Variants in TRDN observed in about 807,000 individuals in gnomAD.
TRDN encodes the protein triadin in skeletal muscle.
Under a neutral mutation model 149.7 loss-of-function variants are expected in TRDN, and 161 were observed. The observed-to-expected ratio is 1.08, with a 90% CI of 0.95 to 1.23. The LOEUF is 1.23. Ranked by LOEUF, TRDN falls within the 50% of genes most tolerant of loss-of-function variation. The pLI, the probability that TRDN is intolerant of heterozygous loss-of-function variation, is 0.00. For missense variants in TRDN, 896 were observed against 823.5 expected, an observed-to-expected ratio of 1.09 and a Z score of -1.08; for synonymous variants, 294 against 250.5, an observed-to-expected ratio of 1.17 and a Z score of -1.64.
chr6:123,585,295 T>TA (rs1487261624), intron 1 of TRDN, among the ~76,000 whole-genome samples: 27 of 151,766 alleles, frequency 1.8e-4, no homozygotes, highest in African/African-American at 4.8e-4. Context: ...TGGGGATAAT[T>TA]AAAAGGAGTG....
At chr6:123,269,437 C>A (rs1777128238) in intron 31 of TRDN, among the ~76,000 whole-genome samples, 1 of 151,946 alleles carries the variant, frequency 6.6e-6, no homozygotes, top group Non-Finnish European at 1.5e-5. Flanking sequence ...TATATCATTT[C>A]ATTTTCTGTT....
chr6:123,635,323 A>AACAC (rs141018949), intron 1 of TRDN, among the ~76,000 whole-genome samples: 4,596 of 147,210 alleles, frequency 0.031, 98 homozygotes, highest in South Asian at 0.055. Context: ...CAGAAAAGAA[A>AACAC]ACACACACAC....
chr6:123,474,248 A>G (rs1021596705), intron 9 of TRDN, among the ~76,000 whole-genome samples: 38 of 152,270 alleles, frequency 2.5e-4, no homozygotes, highest in African/African-American at 7.9e-4. Flanking sequence ...ATGGAGGAAG[A>G]TCTACCAAGC....
At chr6:123,502,052 C>T (rs1778723758) in intron 8 of TRDN, 1 of 983,700 alleles carries the variant, frequency 1.0e-6, no homozygotes, top group Non-Finnish European at 1.2e-6. Context: ...ATATAACTGG[C>T]ATCAATTTTT....
At chr6:123,332,016 CA>C in intron 22 of TRDN, 87 bp from the exon 23 acceptor site, 1 of 1,024,858 alleles carries the variant, frequency 9.8e-7, no homozygotes, top group South Asian at 1.8e-5. Context: ...CTGAAAGTAT[CA>C]GTAAGCTGAA....
chr6:123,340,087 C>A (rs1780011188), intron 21 of TRDN, among the ~76,000 whole-genome samples: 1 of 152,062 alleles, frequency 6.6e-6, no homozygotes, highest in South Asian at 2.1e-4. Flanking sequence ...AGAGCTTTTA[C>A]TTTTAATTGT....
intron 30 of TRDN, among the ~76,000 whole-genome samples, 177 bp from the exon 31 acceptor site, chr6:123,270,043 C>CA (rs1227187086): frequency 2.0e-5 from 3 of 151,904 alleles, no homozygotes; most frequent in Non-Finnish European, 4.4e-5. Context: ...AATCAAACTG[C>CA]AAAAAACTAG....
intron 21 of TRDN, chr6:123,349,679 C>G (rs1780383588): frequency 1.0e-6 from 1 of 962,170 alleles, no homozygotes. Context: ...GAAATATGAA[C>G]ATTCATTATA....
intron 2 of TRDN, among the ~76,000 whole-genome samples, chr6:123,550,644 GT>G (rs1197945206): frequency 1.3e-5 from 2 of 152,002 alleles, no homozygotes; most frequent in Non-Finnish European, 2.9e-5. Context: ...ATATCCCATG[GT>G]TTATACTGAT....
rs563883969 is a variant in TRDN, at chr6:123,598,727, T to C, written c.23-27595A>G. Among the ~76,000 whole-genome samples, 8 of 152,112 alleles carry C rather than the reference T, an allele frequency of 5.3e-5. No individual in the cohort carries two copies. The South Asian group carries it at 1.5e-3, about 28-fold the overall frequency. On this transcript the variant is annotated intron_variant, in intron 1 of 40. Coordinates refer to ENST00000334268, the MANE Select transcript of TRDN (RefSeq NM_006073.4). ...GTGGCAGAGTTGAGCAAGAGTGATA[T>C]AGACCATACAGCCCACAAAACCTAA...
At chr6:123,559,467 C>A (rs1371796634) in intron 2 of TRDN, among the ~76,000 whole-genome samples, 1 of 152,070 alleles carries the variant, frequency 6.6e-6, no homozygotes, top group East Asian at 1.9e-4. Flanking sequence ...GCCCTTCTTC[C>A]CAATCCAAAG....
intron 2 of TRDN, among the ~76,000 whole-genome samples, chr6:123,567,013 T>C (rs1162949374): frequency 6.6e-6 from 1 of 152,218 alleles, no homozygotes; most frequent in Non-Finnish European, 1.5e-5. Context: ...ATACTTATAG[T>C]TCACAGTAGA....
chr6:123,469,371 G>A (rs1264413581), intron 9 of TRDN, among the ~76,000 whole-genome samples: 2 of 152,100 alleles, frequency 1.3e-5, no homozygotes, highest in East Asian at 1.9e-4. Context: ...GGAGACCCTA[G>A]AGATATGGGG....
chr6:123,483,983 TA>T (rs1777879043), intron 9 of TRDN, among the ~76,000 whole-genome samples: 1 of 152,168 alleles, frequency 6.6e-6, no homozygotes, highest in African/African-American at 2.4e-5. Context: ...TAAGCTAGAA[TA>T]AAAGTCATAG....
intron 23 of TRDN, among the ~76,000 whole-genome samples, chr6:123,323,904 T>A (rs1779348749): frequency 6.6e-6 from 1 of 152,132 alleles, no homozygotes; most frequent in Non-Finnish European, 1.5e-5. Flanking sequence ...GTGTGAAGAG[T>A]GTGCATTTAA....
chr6:123,237,494 C>T (rs1043732826), intron 38 of TRDN, among the ~76,000 whole-genome samples: 5 of 152,104 alleles, frequency 3.3e-5, no homozygotes, highest in Non-Finnish European at 7.4e-5. Flanking sequence ...ATGAACTGCC[C>T]GCCTCAGCCT....
chr6:123,519,128 T>A (rs780436693), intron 5 of TRDN, among the ~76,000 whole-genome samples: 3 of 152,174 alleles, frequency 2.0e-5, no homozygotes, highest in Non-Finnish European at 2.9e-5. Flanking sequence ...TTCTTGCACC[T>A]GCTAGAGTTT....
intron 7 of TRDN, among the ~76,000 whole-genome samples, chr6:123,504,537 A>G (rs1778835895): frequency 6.6e-6 from 1 of 152,186 alleles, no homozygotes. Flanking sequence ...AAATTCAGAT[A>G]TTGGCTCCTG....
At chr6:123,525,139 T>C (rs530544086) in intron 5 of TRDN, among the ~76,000 whole-genome samples, 67 of 152,156 alleles carry the variant, frequency 4.4e-4, no homozygotes, top group Non-Finnish European at 9.1e-4. Flanking sequence ...TGGAAAACAG[T>C]ATGGGGATAT....
Sources: gnomAD v4.1 joint callset for allele counts (sites outside exome capture counted in the v4.1 genomes callset) on GRCh38, gnomAD v4.1.1 for gene constraint, MANE v1.5 for transcripts, NCBI Gene and HGNC (gene_info 2026-07-23, HGNC 2026-07-21) for gene names.